Variants in LEKR1 observed in about 807,000 individuals in gnomAD.
LEKR1 encodes the protein protein LEKR1.
A neutral mutation model predicts 72.4 loss-of-function variants in LEKR1; 59 were observed. The ratio of observed to expected loss-of-function variants is 0.82; its 90% CI spans 0.66 to 1.01. The LOEUF is 1.01. Among genes scored for constraint, LEKR1 ranks in the 50% least tolerant of loss-of-function variants. LEKR1 has a pLI of 0.00. For missense variants in LEKR1, 728 were observed against 759.2 expected (o/e 0.96, Z 0.48); for synonymous variants, 257 against 263.2 (o/e 0.98, Z 0.23).
intron 5 of LEKR1, among the ~76,000 whole-genome samples, chr3:156,935,273 A>G (rs1284812895): frequency 1.3e-5 from 2 of 152,216 alleles, no homozygotes; most frequent in African/African-American, 4.8e-5. Context: ...AGGACAGTAT[A>G]TTCAATTCCC....
chr3:156,961,947 A>G (rs986357634), intron 6 of LEKR1, among the ~76,000 whole-genome samples: 3 of 152,236 alleles, frequency 2.0e-5, no homozygotes, highest in Admixed American at 6.5e-5. Flanking sequence ...ACAAGCATTC[A>G]AATTTCTTTA....
chr3:157,024,674 T>C (rs2108033971), intron 10 of LEKR1, 86 bp from the exon 11 acceptor site: 1 of 1,008,568 alleles, frequency 9.9e-7, no homozygotes, highest in Non-Finnish European at 1.5e-6. Flanking sequence ...GTCAGAACAT[T>C]TTAAAACTTA....
intron 10 of LEKR1, among the ~76,000 whole-genome samples, chr3:157,015,160 A>G (rs1442555199): frequency 6.6e-6 from 1 of 152,146 alleles, no homozygotes; most frequent in Non-Finnish European, 1.5e-5. Flanking sequence ...GTGGGAATCT[A>G]GTTTGAACTT....
chr3:156,849,571 T>C (rs1485239581), intron 2 of LEKR1, among the ~76,000 whole-genome samples: 1 of 152,040 alleles, frequency 6.6e-6, no homozygotes, highest in East Asian at 1.9e-4. Flanking sequence ...TATAGACCAG[T>C]GGAACAGAAC....
intron 6 of LEKR1, among the ~76,000 whole-genome samples, chr3:156,967,556 A>C (rs1002600310): frequency 6.6e-6 from 1 of 152,198 alleles, no homozygotes; most frequent in African/African-American, 2.4e-5. Flanking sequence ...GAAATGAAGC[A>C]AGAAGAGAAG....
intron 2 of LEKR1, among the ~76,000 whole-genome samples, chr3:156,839,042 A>G (rs1713543631): frequency 6.6e-6 from 1 of 152,178 alleles, no homozygotes; most frequent in Non-Finnish European, 1.5e-5. Context: ...AGGACACAAA[A>G]TGCATTAGTA....
intron 7 of LEKR1, among the ~76,000 whole-genome samples, chr3:156,991,639 G>A (rs1576960915): frequency 6.6e-6 from 1 of 152,076 alleles, no homozygotes; most frequent in Non-Finnish European, 1.5e-5. Context: ...TCAAGGCAAA[G>A]TTTTCTTTCA....
At chr3:157,019,625 A>G (rs922481067) in intron 10 of LEKR1, among the ~76,000 whole-genome samples, 2 of 152,232 alleles carry the variant, frequency 1.3e-5, no homozygotes, top group Admixed American at 6.5e-5. Flanking sequence ...TAGTTATTGT[A>G]TAAAGTGGTT....
At chr3:156,988,033 A>C (rs1730850644) in intron 7 of LEKR1, 1 of 152,262 alleles carries the variant, frequency 6.6e-6, no homozygotes, top group Non-Finnish European at 1.5e-5. Context: ...AAACTAAACC[A>C]AAAACCACTT....
chr3:157,019,920 C>T (rs932544999), intron 10 of LEKR1, among the ~76,000 whole-genome samples: 4 of 152,194 alleles, frequency 2.6e-5, no homozygotes, highest in Non-Finnish European at 4.4e-5. Flanking sequence ...TAGCATCCCA[C>T]TGCAGCTTTC....
intron 4 of LEKR1, among the ~76,000 whole-genome samples, chr3:156,925,574 A>G (rs914203877): frequency 6.6e-6 from 1 of 152,004 alleles, no homozygotes; most frequent in African/African-American, 2.4e-5. Context: ...TGTTAAGGTT[A>G]CCAATAGAGG....
At chr3:156,835,141 A>G (rs1712936241) in intron 2 of LEKR1, among the ~76,000 whole-genome samples, 1 of 152,184 alleles carries the variant, frequency 6.6e-6, no homozygotes, top group Non-Finnish European at 1.5e-5. Flanking sequence ...GCCCTAAACA[A>G]TTGTCAGCTA....
intron 2 of LEKR1, among the ~76,000 whole-genome samples, chr3:156,848,203 A>G (rs1166988929): frequency 6.6e-6 from 1 of 152,178 alleles, no homozygotes; most frequent in Non-Finnish European, 1.5e-5. Flanking sequence ...ATTTATTGAC[A>G]TGGATGAATT....
chr3:156,932,945 G>A (rs955517433), intron 5 of LEKR1, among the ~76,000 whole-genome samples: 4 of 151,982 alleles, frequency 2.6e-5, no homozygotes, highest in African/African-American at 7.3e-5. Context: ...CAGCAGAATG[G>A]CGTGAACCCG....
At chr3:157,002,676 T>A (rs1271794725) in intron 9 of LEKR1, among the ~76,000 whole-genome samples, 1 of 152,168 alleles carries the variant, frequency 6.6e-6, no homozygotes, top group East Asian at 1.9e-4. Flanking sequence ...TCTGTAACCA[T>A]AATATCAAGC....
chr3:156,860,433 T>C (rs565802178), intron 3 of LEKR1, among the ~76,000 whole-genome samples: 93 of 152,260 alleles, frequency 6.1e-4, no homozygotes, highest in African/African-American at 2.1e-3. Flanking sequence ...AAGAGTTCGG[T>C]TGGCAATTAT....
At chr3:156,935,736 A>G (rs1379027025) in intron 5 of LEKR1, among the ~76,000 whole-genome samples, 6 of 152,186 alleles carry the variant, frequency 3.9e-5, no homozygotes, top group South Asian at 2.1e-4. Flanking sequence ...CACCAACCAC[A>G]TGGGGCTATT....
intron 5 of LEKR1, among the ~76,000 whole-genome samples, chr3:156,929,824 A>G (rs1423814593): frequency 6.6e-6 from 1 of 152,150 alleles, no homozygotes. Flanking sequence ...AGCCTTGCAC[A>G]TGATACTCAG....
intron 5 of LEKR1, among the ~76,000 whole-genome samples, chr3:156,932,271 C>A (rs2108577305): frequency 6.6e-6 from 1 of 152,148 alleles, no homozygotes; most frequent in Non-Finnish European, 1.5e-5. Context: ...TCATGTTAAA[C>A]CATGAAACTT....
Sources: allele counts gnomAD v4.1 joint callset (sites outside exome capture counted in the v4.1 genomes callset), GRCh38; gene constraint gnomAD v4.1.1; transcripts MANE v1.5; gene names NCBI Gene and HGNC (gene_info 2026-07-23, HGNC 2026-07-21).